The following BRCA1 variants were observed in gnomAD, a reference collection of about 807,000 sequenced individuals.
BRCA1 encodes breast cancer type 1 susceptibility protein.
A neutral mutation model predicts 173.7 loss-of-function variants in BRCA1; 140 were observed. The ratio of observed to expected loss-of-function variants is 0.81; its 90% confidence interval spans 0.70 to 0.93. BRCA1 has a LOEUF of 0.93. Ranked by LOEUF, BRCA1 falls within the 40% of genes least tolerant of loss-of-function variation. The pLI is 0.00. For missense variants in BRCA1, 1,983 were observed against 2,172.5 expected, an observed-to-expected ratio of 0.91 and a Z score of 1.73; for synonymous variants, 662 against 756.0, an observed-to-expected ratio of 0.88 and a Z score of 2.04.
intron 19 of BRCA1, 29 bp from the exon 20 acceptor site, chr17:43,051,146 A>C (rs1209887182): frequency 1.3e-6 from 2 of 1,593,052 alleles, no homozygotes; most frequent in Admixed American, 3.3e-5. Flanking sequence ...AGAGAGGGAC[A>C]GGGGAATGGA....
At chr17:43,069,588 CAG>C (rs2052295431) in intron 15 of BRCA1, among the ~76,000 whole-genome samples, 1 of 152,164 alleles carries the variant, frequency 6.6e-6, no homozygotes, top group Non-Finnish European at 1.5e-5. Flanking sequence ...GCCATTGAAA[CAG>C]ACACAGGTAA....
rs1567807839 is a variant in BRCA1 at position 43,100,686 on chromosome 17, T to TAACATATATATATATATATATATA, written c.442-807_442-806insTATATATATATATATATATATGTT. Among the ~76,000 whole-genome samples, 156 of 17,402 alleles carry TAACATATATATATATATATATATA rather than the reference T, an allele frequency of 9.0e-3. 6 individuals are homozygous for TAACATATATATATATATATATATA. The highest frequency in any genetic ancestry group is 0.016 in the African/African-American group (150 of 9,118). 11.4% of individuals were successfully genotyped at this position (17,402 alleles called of 152,430 possible). A position where few individuals can be genotyped will look rare whatever the true frequency, so the allele number is the denominator to read the frequency against. On this transcript the variant is annotated intron_variant, in intron 6 of 22. Transcript: ENST00000357654. ...TATATATATATATATATAATATATA[T>TAACATATATATATATATATATATA]ATATATATATATATATGTAATCCCA...
intron 3 of BRCA1, among the ~76,000 whole-genome samples, chr17:43,113,098 C>T (rs867780152): frequency 6.6e-6 from 1 of 152,164 alleles, no homozygotes; most frequent in South Asian, 2.1e-4. Context: ...CCACCGTGCC[C>T]GGCCTCAACA....
chr17:43,071,098 T>C lies in BRCA1; in HGVS notation c.4816A>G (p.Lys1606Glu), dbSNP rs80356943. The part of the protein sequence containing the change: ...STSALKVPQL[K>E]VAESAQSPAA... Reference sequence around the variant, plus strand: ...GGACTCTGGGCAGATTCTGCAACTTTCAATTGGGGAACTTTCAATGCAGAG... The same window carrying C: ...GGACTCTGGGCAGATTCTGCAACTTCCAATTGGGGAACTTTCAATGCAGAG... Residue 1606 changes from lysine to glutamate, a missense_variant, in exon 15 of 23, where the codon AAA (lysine) becomes GAA (glutamate). Transcript: ENST00000357654. The C allele has an allele frequency of 3.1e-5, 50 of 1,613,986 alleles. No individual in the cohort carries two copies. The highest frequency in any genetic ancestry group is 3.8e-5 in the Non-Finnish European group (45 of 1,180,018).
In BRCA1 at chr17:43,084,026, G is replaced by A. The variant is rs8176181; in HGVS notation, c.4186-1451C>T. On this transcript the variant is annotated intron_variant, in intron 11 of 22. Transcript: ENST00000357654. ...ATTACAGGCACCTGTTACCATGCCC[G>A]ACTAATTTTTTTTTTTTTTTTTGAG... Among the ~76,000 whole-genome samples the A allele has an allele frequency of 7.5e-3, 1,114 of 148,488 alleles. 21 individuals are homozygous for A. The highest frequency in any genetic ancestry group is 0.027 in the African/African-American group (1,071 of 40,276).
chr17:43,103,524 A>T (rs1274978890), intron 6 of BRCA1, among the ~76,000 whole-genome samples: 1 of 151,416 alleles, frequency 6.6e-6, no homozygotes, highest in African/African-American at 2.4e-5. Context: ...GGATCTTGCT[A>T]TGTTGCCTGG....
At chr17:43,056,495 A>G (rs1370553670) in intron 19 of BRCA1, among the ~76,000 whole-genome samples, 1 of 152,006 alleles carries the variant, frequency 6.6e-6, no homozygotes, top group Non-Finnish European at 1.5e-5. Context: ...ACATTATATA[A>G]ATTTTAGCTA....
intron 14 of BRCA1, among the ~76,000 whole-genome samples, chr17:43,074,010 G>A (rs889754064): frequency 1.3e-5 from 2 of 152,060 alleles, no homozygotes; most frequent in African/African-American, 2.4e-5. Flanking sequence ...ACCTGCCTCG[G>A]CCTCCTGGAG....
At chr17:43,060,941 C>T (rs894295176) in intron 18 of BRCA1, among the ~76,000 whole-genome samples, 5 of 152,062 alleles carry the variant, frequency 3.3e-5, no homozygotes, top group East Asian at 3.9e-4. Context: ...GCCTGACCAA[C>T]GTGGTAAAAC....
upstream of BRCA1, among the ~76,000 whole-genome samples, chr17:43,127,820 C>A (rs35981166): frequency 0.3 from 45,578 of 151,566 alleles, 7,406 homozygotes; most frequent in South Asian, 0.49. Flanking sequence ...GTCAAGAGAT[C>A]GAGACCATCC....
At chr17:43,151,588 T>C (rs888968367) in intron 1 of BRCA1, among the ~76,000 whole-genome samples, 2 of 152,150 alleles carry the variant, frequency 1.3e-5, no homozygotes, top group Admixed American at 6.5e-5. Flanking sequence ...TTTTTTTCCC[T>C]ATATGTAAGA....
chr17:43,091,852 G>T lies in BRCA1; in HGVS notation c.3679C>A (p.Gln1227Lys), dbSNP rs886040159. 6.2e-7 allele frequency: 1 copy of T among 1,614,002 alleles called. No homozygotes were observed. The highest frequency in any genetic ancestry group is 2.2e-5 in the East Asian group (1 of 44,892). The change falls in exon 10 of 23, where the codon CAA (glutamine) becomes AAA (lysine). Residue 1227 changes from glutamine (Q) to lysine (K), a missense_variant. Coordinates refer to ENST00000357654, the MANE Select transcript of BRCA1 (RefSeq NM_007294.4). ...TTTACTTTACCAAATAACAAGTGTT[G>T]GAAGCAGGGAAGCTCTTCATCCTCA... ...SSEDEELPCF[Q>K]HLLFGKVNNI... is the part of the protein sequence containing the mutation.
intron 5 of BRCA1, 137 bp from the exon 6 acceptor site, chr17:43,104,398 T>C: frequency 9.8e-7 from 1 of 1,021,446 alleles, no homozygotes; most frequent in Non-Finnish European, 1.4e-6. Context: ...GTGATTTTTT[T>C]TAAAAATCAA....
chr17:43,077,950 G>GTC (rs1242369586), intron 12 of BRCA1, among the ~76,000 whole-genome samples: 1 of 151,562 alleles, frequency 6.6e-6, no homozygotes. Context: ...GGTCACGCTG[G>GTC]TCTCGAACTC....
rs1388475291 is a variant in BRCA1, at chr17:43,091,578, A to G, written c.3953T>C (p.Ile1318Thr). The G allele has an allele frequency of 6.2e-7, 1 of 1,614,192 alleles. No homozygotes were observed. The highest frequency in any genetic ancestry group is 1.1e-5 in the South Asian group (1 of 91,082). ...ATGCCTCATTTGTTTGGAAGAACCA[A>G]TCAAGAAAGGATCCTGGGTGTTTGT... Reference protein sequence around the residue: ...ANTNTQDPFLIGSSKQMRHQS... With the variant: ...ANTNTQDPFLTGSSKQMRHQS... The change falls in exon 10 of 23, where the codon ATT becomes ACT. Residue 1318 changes from isoleucine to threonine, a missense_variant. By Grantham distance (89) the Ile-to-Thr change is moderately conservative. Transcript: ENST00000357654.
intron 6 of BRCA1, among the ~76,000 whole-genome samples, chr17:43,103,804 A>AT (rs1302180289): frequency 2.0e-5 from 3 of 152,078 alleles, no homozygotes; most frequent in African/African-American, 7.2e-5. Context: ...TGTTGCCAGA[A>AT]TAAATGAAAA....
At chr17:43,066,021 G>A (rs1028701789) in intron 16 of BRCA1, among the ~76,000 whole-genome samples, 4 of 152,136 alleles carry the variant, frequency 2.6e-5, no homozygotes, top group African/African-American at 9.7e-5. Flanking sequence ...AACCAAGCAC[G>A]GTGCTTAAAA....
rs762028824 is a variant in BRCA1 at position 43,091,023 on chromosome 17, G to A, written c.4106C>T (p.Ala1369Val). ...GCTTGTTTCACTCTCACACCCAGAT[G>A]CTGCTTCACCTTAAATAACAAAAAC... ...QSMDSNLGEA[A>V]SGCESETSVS... The change falls in exon 11 of 23, where the codon GCA becomes GTA. Residue 1369 changes from alanine to valine, a missense_variant. Coordinates refer to ENST00000357654, the MANE Select transcript of BRCA1 (RefSeq NM_007294.4). 6.2e-7 allele frequency: 1 copy of A among 1,612,256 alleles called. No homozygotes were observed. Among genetic ancestry groups the A allele is most frequent in the South Asian group, 1.1e-5 (1 of 90,650 alleles).
rs541592598 is a variant in BRCA1 at position 43,114,074 on chromosome 17, C to CA, written c.134+1651dup. Among the ~76,000 whole-genome samples, 19,918 of 135,218 alleles carry CA rather than the reference C, an allele frequency of 0.15. 4,109 individuals are homozygous for CA. The highest frequency in any genetic ancestry group is 0.46 in the African/African-American group (17,756 of 38,198). The allele number at this position is 135,218 out of a possible 152,430, so 88.7% of individuals were successfully genotyped here. On this transcript the variant is annotated intron_variant, in intron 3 of 22. Coordinates refer to ENST00000357654, the MANE Select transcript of BRCA1 (RefSeq NM_007294.4). ...TGGGCAATAGAGTGAAACACCATCT[C>CA]AAAAAAAAAAAAAGACAGGGTCTCA...
Sources: gnomAD v4.1 joint callset for allele counts (sites outside exome capture counted in the v4.1 genomes callset) on GRCh38, gnomAD v4.1.1 for gene constraint, MANE v1.5 for transcripts, NCBI Gene and HGNC (gene_info 2026-07-23, HGNC 2026-07-21) for gene names.